The following PPP1R12B variants were observed in gnomAD, a reference collection of about 807,000 sequenced individuals.
PPP1R12B encodes the protein myosin phosphatase target subunit 2.
In PPP1R12B, 76 loss-of-function variants were observed where a neutral mutation model predicts 126.1. That is an observed-to-expected ratio of 0.60 (90% confidence interval 0.50 to 0.73). The LOEUF is 0.73. PPP1R12B is among the 30% of genes least tolerant of loss of function. The pLI is 0.00. For synonymous variants in PPP1R12B, 356 were observed against 434.7 expected (o/e 0.82, Z 2.25); for missense variants, 1,052 against 1,205.1 (o/e 0.87, Z 1.88).
intron 13 of PPP1R12B, among the ~76,000 whole-genome samples, chr1:202,462,049 G>T (rs1013727507): frequency 2.0e-5 from 3 of 152,130 alleles, no homozygotes; most frequent in Non-Finnish European, 2.9e-5. Context: ...TCAATACTAT[G>T]CAGTAGTGGA....
chr1:202,439,806 C>A (rs769560165), intron 10 of PPP1R12B: 99 of 424,134 alleles, frequency 2.3e-4, no homozygotes, highest in Non-Finnish European at 3.9e-4. Context: ...CACTCCCCTT[C>A]TCCTGCTGGG....
intron 18 of PPP1R12B, among the ~76,000 whole-genome samples, chr1:202,541,159 C>T (rs1012822715): frequency 2.0e-5 from 3 of 151,930 alleles, no homozygotes; most frequent in Non-Finnish European, 2.9e-5. Flanking sequence ...AGAAGAAGGA[C>T]GGCCATAGCT....
chr1:202,562,836 G>A lies in PPP1R12B; in HGVS notation c.2566G>A (p.Ala856Thr). 1 of 1,613,510 alleles carries A rather than the reference G, an allele frequency of 6.2e-7. No individual in the cohort carries two copies. The highest frequency in any genetic ancestry group is 1.1e-5 in the South Asian group (1 of 90,938). Residue 856 changes from alanine (A) to threonine (T), a missense_variant, in exon 20 of 24, where the codon GCA becomes ACA. Ala to Thr is a moderately conservative substitution (Grantham distance 58, BLOSUM62 0). Transcript: ENST00000608999. ...TGATTCTTACGGTGACCGGGCTTCAGCAAGAGCCCGTCGGGAGGCCCGGGA... is the reference window on the plus strand; with the variant it reads ...TGATTCTTACGGTGACCGGGCTTCAACAAGAGCCCGTCGGGAGGCCCGGGA... The part of the protein sequence containing the change: ...TSDSYGDRAS[A>T]RARREAREAR...
chr1:202,532,632 C>T (rs1401163425), intron 18 of PPP1R12B, among the ~76,000 whole-genome samples: 1 of 151,988 alleles, frequency 6.6e-6, no homozygotes, highest in Non-Finnish European at 1.5e-5. Flanking sequence ...TGCCTGTTTC[C>T]GTTAGCAAAC....
At chr1:202,559,943 A>G (rs368192784) in intron 19 of PPP1R12B, among the ~76,000 whole-genome samples, 1 of 152,206 alleles carries the variant, frequency 6.6e-6, no homozygotes, top group Non-Finnish European at 1.5e-5. Flanking sequence ...AACTGTACCA[A>G]TTAAAACAGT....
intron 1 of PPP1R12B, among the ~76,000 whole-genome samples, chr1:202,384,889 G>C (rs1265144157): frequency 5.9e-5 from 9 of 152,206 alleles, no homozygotes; most frequent in Non-Finnish European, 1.3e-4. Context: ...GGCTATGCCA[G>C]TGTACACTTC....
At chr1:202,443,322 T>TCCACTTAACCACTC (rs1275751062) in intron 12 of PPP1R12B, among the ~76,000 whole-genome samples, 93 of 152,372 alleles carry the variant, frequency 6.1e-4, no homozygotes, top group African/African-American at 2.0e-3. Flanking sequence ...TTTCTTCACT[T>TCCACTTAACCACTC]CCACTGTCTT....
chr1:202,466,151 A>G (rs1674956187), intron 13 of PPP1R12B, among the ~76,000 whole-genome samples: 1 of 152,138 alleles, frequency 6.6e-6, no homozygotes, highest in African/African-American at 2.4e-5. Context: ...CTTCACTGTT[A>G]GTCTTGAAAC....
chr1:202,576,803 C>G (rs1689133725), intron 23 of PPP1R12B: 1 of 146,208 alleles, frequency 6.8e-6, no homozygotes, highest in Admixed American at 7.3e-5. Context: ...CATTTATTCC[C>G]CAAAACAATT....
intron 6 of PPP1R12B, among the ~76,000 whole-genome samples, chr1:202,430,027 CA>C (rs1216697342): frequency 6.6e-6 from 1 of 152,164 alleles, no homozygotes; most frequent in Admixed American, 6.5e-5. Context: ...AATGCAGTGT[CA>C]ATGCTGTTAT....
rs56164548 is a variant in PPP1R12B, at chr1:202,420,967, C to CTTTTTTTT, written c.423-1639_423-1632dup. On this transcript the variant is annotated intron_variant, in intron 2 of 23. Coordinates refer to ENST00000608999, the MANE Select transcript of PPP1R12B (RefSeq NM_002481.4). Reference sequence around the variant, plus strand: ...CTATTGATTCTTTTCCCTCTGCCAACTTTTTTTTTTTTTTTTTTTTTGAGA... The same window carrying CTTTTTTTT: ...CTATTGATTCTTTTCCCTCTGCCAACTTTTTTTTTTTTTTTTTTTTTTTTTTTTTGAGA... Among the ~76,000 whole-genome samples the CTTTTTTTT allele has an allele frequency of 4.4e-3, 518 of 118,386 alleles. 19 individuals are homozygous for CTTTTTTTT. Among genetic ancestry groups the CTTTTTTTT allele is most frequent in the East Asian group, 0.012 (41 of 3,372 alleles). 77.7% of individuals were successfully genotyped at this position (118,386 alleles called of 152,430 possible).
At chr1:202,543,266 A>T (rs1356484527) in intron 18 of PPP1R12B, among the ~76,000 whole-genome samples, 2 of 152,170 alleles carry the variant, frequency 1.3e-5, no homozygotes, top group Non-Finnish European at 2.9e-5. Flanking sequence ...GTTTACTTTT[A>T]AACTCGTAAC....
intron 18 of PPP1R12B, among the ~76,000 whole-genome samples, chr1:202,552,859 A>G (rs1349566040): frequency 1.3e-5 from 2 of 152,118 alleles, no homozygotes; most frequent in South Asian, 2.1e-4. Flanking sequence ...CTGAGCCACA[A>G]TTTTATTTTA....
intron 1 of PPP1R12B, among the ~76,000 whole-genome samples, chr1:202,392,701 A>G (rs1664322497): frequency 6.6e-6 from 1 of 150,842 alleles, no homozygotes; most frequent in Admixed American, 6.6e-5. Flanking sequence ...AATTTTTTGT[A>G]TTTTTGCTAG....
intron 1 of PPP1R12B, among the ~76,000 whole-genome samples, chr1:202,358,127 C>G (rs1399449374): frequency 4.6e-5 from 7 of 152,034 alleles, no homozygotes; most frequent in Non-Finnish European, 8.8e-5. Context: ...AATAATAAAT[C>G]CAGATTAAGA....
chr1:202,563,639 A>G (rs894536699), intron 20 of PPP1R12B, among the ~76,000 whole-genome samples: 4 of 151,906 alleles, frequency 2.6e-5, no homozygotes, highest in Non-Finnish European at 4.4e-5. Context: ...AAAAAAAAAA[A>G]AAAAAGAAAA....
Position 202,510,566 on chromosome 1 carries a change from CCT to C in PPP1R12B, c.2490+13747_2490+13748del, listed in dbSNP as rs1274972743. The stretch of plus-strand genomic sequence containing the variant: ...GCACACTAAAGAAGCTTAGAGCCAA[CCT>C]CTACTCCTTTCTGTCCTCCCGAAAT... On this transcript the variant is annotated intron_variant, in intron 18 of 23. Coordinates refer to ENST00000608999, the MANE Select transcript of PPP1R12B (RefSeq NM_002481.4). 2.0e-5 allele frequency among the ~76,000 whole-genome samples: 3 copies of C among 152,268 alleles called. No homozygotes were observed. In the East Asian group the frequency reaches 5.8e-4, roughly 29 times the overall value.
chr1:202,569,154 G>A lies in PPP1R12B; in HGVS notation c.2819G>A (p.Arg940Gln), dbSNP rs775975689. 8.1e-6 allele frequency: 13 copies of A among 1,613,476 alleles called. No homozygotes were observed. The Admixed American group carries it at 1.7e-4, about 21-fold the overall frequency. The change falls in exon 23 of 24, where the codon CGA becomes CAA. Residue 940 changes from arginine (R) to glutamine (Q), a missense_variant. Transcript: ENST00000608999. ...CTCATTGTTCCGAAACAGGAGAGGC[G>A]AGCCTTGGAGCGCAAAATGTCAGAA... is the stretch of plus-strand genomic sequence containing the variant. Reference protein sequence around the residue: ...SVLEMEKRERRALERKMSEME... With the variant: ...SVLEMEKRERQALERKMSEME...
intron 18 of PPP1R12B, among the ~76,000 whole-genome samples, chr1:202,511,400 G>T (rs1229373912): frequency 6.6e-6 from 1 of 151,732 alleles, no homozygotes; most frequent in South Asian, 2.1e-4. Context: ...TGTATTTTTA[G>T]TAGAGATGGG....
Sources: gnomAD v4.1 joint callset for allele counts (sites outside exome capture counted in the v4.1 genomes callset) on GRCh38, gnomAD v4.1.1 for gene constraint, MANE v1.5 for transcripts, NCBI Gene and HGNC (gene_info 2026-07-23, HGNC 2026-07-21) for gene names.